Variants in MGMT observed in about 807,000 individuals in gnomAD.
The protein encoded by MGMT is O-6-methylguanine-DNA methyltransferase.
MGMT carries 14 observed loss-of-function variants against 15.9 expected under a neutral mutation model. The observed-to-expected ratio is 0.88, with a 90% CI of 0.58 to 1.37. The LOEUF (loss-of-function observed/expected upper bound fraction) is 1.37, where lower values mean the gene tolerates loss of function less well. MGMT is among the 40% of genes most tolerant of loss of function. MGMT has a pLI of 0.00. For missense variants in MGMT, 282 were observed against 268.1 expected, an observed-to-expected ratio of 1.05 and a Z score of -0.36; for synonymous variants, 130 against 118.2, an observed-to-expected ratio of 1.10 and a Z score of -0.65.
intron 1 of MGMT, among the ~76,000 whole-genome samples, chr10:129,483,876 A>G (rs562823687): frequency 1.3e-5 from 2 of 152,234 alleles, no homozygotes; most frequent in South Asian, 4.2e-4. Flanking sequence ...AGATAGGTAG[A>G]TAAATAGATA....
intron 2 of MGMT, among the ~76,000 whole-genome samples, chr10:129,638,446 G>GAAAAAAAAA (rs1157292152): frequency 5.2e-5 from 5 of 96,298 alleles, no homozygotes; most frequent in East Asian, 4.7e-4. Flanking sequence ...AAAAAAAAAA[G>GAAAAAAAAA]AAAAAAAAAA....
intron 2 of MGMT, among the ~76,000 whole-genome samples, chr10:129,600,384 A>G (rs557599514): frequency 6.6e-6 from 1 of 152,360 alleles, no homozygotes; most frequent in African/African-American, 2.4e-5. Context: ...AGGTAGAGCT[A>G]GAGGCAACAG....
intron 1 of MGMT, among the ~76,000 whole-genome samples, chr10:129,497,494 A>AT (rs1233573239): frequency 6.6e-6 from 1 of 152,200 alleles, no homozygotes; most frequent in East Asian, 1.9e-4. Context: ...TTTGAGATAA[A>AT]TTTTAGACTT....
intron 2 of MGMT, among the ~76,000 whole-genome samples, chr10:129,571,495 C>T (rs947315930): frequency 1.7e-4 from 26 of 152,100 alleles, no homozygotes; most frequent in African/African-American, 6.3e-4. Context: ...TTGTATGTTC[C>T]TGTAGTACAT....
At chr10:129,535,188 G>A (rs143657043) in intron 1 of MGMT, among the ~76,000 whole-genome samples, 4,825 of 152,206 alleles carry the variant, frequency 0.032, 124 homozygotes, top group South Asian at 0.066. Context: ...GATGGGAGCC[G>A]TGAGGATGGC....
At chr10:129,513,536 C>T (rs1316305092) in intron 1 of MGMT, among the ~76,000 whole-genome samples, 2 of 152,140 alleles carry the variant, frequency 1.3e-5, no homozygotes, top group Non-Finnish European at 2.9e-5. Flanking sequence ...GCAGGAGGCC[C>T]AGAATCCACA....
chr10:129,717,155 T>C (rs751715767), intron 3 of MGMT, among the ~76,000 whole-genome samples: 1 of 152,188 alleles, frequency 6.6e-6, no homozygotes, highest in Non-Finnish European at 1.5e-5. Context: ...AACACAAAAA[T>C]ACATCAAGAC....
At chr10:129,555,600 A>G (rs925185730) in intron 2 of MGMT, among the ~76,000 whole-genome samples, 1 of 152,156 alleles carries the variant, frequency 6.6e-6, no homozygotes, top group African/African-American at 2.4e-5. Flanking sequence ...CTGCAGTGTC[A>G]GCTACTCAGG....
At chr10:129,484,125 G>A (rs1845385406) in intron 1 of MGMT, among the ~76,000 whole-genome samples, 3 of 152,146 alleles carry the variant, frequency 2.0e-5, no homozygotes, top group Admixed American at 2.0e-4. Context: ...GGGTTTTGGA[G>A]CATTTTGGAT....
intron 2 of MGMT, among the ~76,000 whole-genome samples, chr10:129,692,412 TAGAAG>T: frequency 6.6e-6 from 1 of 152,296 alleles, no homozygotes; most frequent in East Asian, 1.9e-4. Context: ...CTTAGTGGGC[TAGAAG>T]ATCTCTGTCA....
rs1160879831 is a variant in MGMT at position 129,532,936 on chromosome 10, C to T, written c.-12-3305C>T. ...GCGCTGATGTGGGCAAACCCTTCCT[C>T]TCCCAGGCCGTCCCTTCCTGCAGCT... On this transcript the variant is annotated intron_variant, in intron 1 of 4. Transcript: ENST00000651593. The surrounding 1 kb of genome is among the most constrained non-coding windows in gnomAD (Gnocchi z 5.3). 6.6e-6 allele frequency among the ~76,000 whole-genome samples: 1 copy of T among 152,234 alleles called. No individual in the cohort carries two copies. Among genetic ancestry groups the T allele is most frequent in the Non-Finnish European group, 1.5e-5 (1 of 68,048 alleles).
At chr10:129,467,485 G>A in intron 1 of MGMT, 189 bp downstream of exon 1, 2 of 952,598 alleles carry the variant, frequency 2.1e-6, no homozygotes, top group South Asian at 4.8e-5. Flanking sequence ...CCTTTCCCCG[G>A]GCCTGGGGTT....
intron 1 of MGMT, among the ~76,000 whole-genome samples, chr10:129,504,407 A>T (rs984607408): frequency 6.6e-6 from 1 of 152,204 alleles, no homozygotes; most frequent in East Asian, 1.9e-4. Flanking sequence ...GTAGAGAAAA[A>T]CTGTGCAGAA....
intron 2 of MGMT, among the ~76,000 whole-genome samples, chr10:129,652,659 G>A (rs1847474897): frequency 6.6e-6 from 1 of 152,194 alleles, no homozygotes. Flanking sequence ...TGCCTACTGT[G>A]TGGGGGCTTC....
chr10:129,487,608 A>AT (rs1344498307), intron 1 of MGMT, among the ~76,000 whole-genome samples: 1 of 151,906 alleles, frequency 6.6e-6, no homozygotes, highest in Non-Finnish European at 1.5e-5. Context: ...TACACACACT[A>AT]TATATGAAAT....
chr10:129,740,288 G>A (rs999118525), intron 3 of MGMT, among the ~76,000 whole-genome samples: 17 of 152,140 alleles, frequency 1.1e-4, no homozygotes, highest in African/African-American at 2.9e-4. Flanking sequence ...CTGGGCCTGT[G>A]GAGCCACAGC....
At chr10:129,605,746 T>C (rs1353284943) in intron 2 of MGMT, among the ~76,000 whole-genome samples, 3 of 152,210 alleles carry the variant, frequency 2.0e-5, no homozygotes, top group Non-Finnish European at 4.4e-5. Flanking sequence ...AAACACGTGT[T>C]GTGGACATTT....
chr10:129,725,523 A>G (rs1313837082), intron 3 of MGMT, among the ~76,000 whole-genome samples: 1 of 152,226 alleles, frequency 6.6e-6, no homozygotes, highest in East Asian at 1.9e-4. Context: ...TGGACCTGAA[A>G]CATCATTGTG....
At chr10:129,524,999 G>C (rs1459625732) in intron 1 of MGMT, among the ~76,000 whole-genome samples, 1 of 152,162 alleles carries the variant, frequency 6.6e-6, no homozygotes, top group African/African-American at 2.4e-5. Flanking sequence ...TATGGGAGTG[G>C]CAGTTATAAT....
Sources: allele counts gnomAD v4.1 joint callset (sites outside exome capture counted in the v4.1 genomes callset), GRCh38; gene constraint gnomAD v4.1.1; non-coding constraint Gnocchi (gnomAD v3.1); transcripts MANE v1.5; gene names NCBI Gene and HGNC (gene_info 2026-07-23, HGNC 2026-07-21).